The following FAT3 variants were observed in gnomAD, a reference collection of about 807,000 sequenced individuals.
The protein encoded by FAT3 is protocadherin Fat 3.
FAT3 carries 95 observed loss-of-function variants against 310.2 expected under a neutral mutation model. The observed-to-expected ratio is 0.31, with a 90% CI of 0.26 to 0.36. The LOEUF is 0.36. Among genes scored for constraint, FAT3 ranks in the 10% least tolerant of loss-of-function variants. The pLI, the probability that FAT3 is intolerant of heterozygous loss-of-function variation, is 1.00. For missense variants in FAT3, 5,408 were observed against 5,715.6 expected (o/e 0.95, Z 1.74); for synonymous variants, 2,314 against 2,192.9 (o/e 1.06, Z -1.54).
chr11:92,649,890 T>C lies in FAT3; in HGVS notation c.3608-47494T>C, dbSNP rs1186628220. Among the ~76,000 whole-genome samples the C allele has an allele frequency of 5.4e-3, 325 of 59,860 alleles. 4 individuals are homozygous for C. Among genetic ancestry groups the C allele is most frequent in the Non-Finnish European group, 8.1e-3 (213 of 26,264 alleles). 39.3% of individuals were successfully genotyped at this position (59,860 alleles called of 152,430 possible). A position where few individuals can be genotyped will look rare whatever the true frequency, so the allele number is the denominator to read the frequency against. On this transcript the variant is annotated intron_variant, in intron 3 of 27. Coordinates refer to ENST00000525166, the MANE Select transcript of FAT3 (RefSeq NM_001367949.2). Reference sequence around the variant, plus strand: ...TTGTATGTTCATATATATATATATATATATATATATATATATATATATATA... The same window carrying C: ...TTGTATGTTCATATATATATATATACATATATATATATATATATATATATA...
At chr11:92,420,688 A>G (rs1338363404) in intron 2 of FAT3, among the ~76,000 whole-genome samples, 1 of 152,178 alleles carries the variant, frequency 6.6e-6, no homozygotes, top group Non-Finnish European at 1.5e-5. Context: ...GACTCAGTAA[A>G]TCTTTCTTGC....
At chr11:92,303,931 G>A (rs370921483) in intron 1 of FAT3, among the ~76,000 whole-genome samples, 2 of 151,824 alleles carry the variant, frequency 1.3e-5, no homozygotes, top group Non-Finnish European at 2.9e-5. Flanking sequence ...CCTTTTTTTC[G>A]CAATTGTGTG....
chr11:92,555,612 C>T (rs1320546397), intron 3 of FAT3, among the ~76,000 whole-genome samples: 1 of 152,170 alleles, frequency 6.6e-6, no homozygotes, highest in Non-Finnish European at 1.5e-5. Flanking sequence ...AGAACTTGCT[C>T]TCTTATCACT....
intron 1 of FAT3, among the ~76,000 whole-genome samples, chr11:92,233,831 AC>A (rs1864295033): frequency 6.6e-6 from 1 of 152,226 alleles, no homozygotes; most frequent in African/African-American, 2.4e-5. Context: ...TTGGAAGTGT[AC>A]ATTTTGTAAG....
At chr11:92,867,238 C>A (rs1373963014) in intron 22 of FAT3, 29 bp downstream of exon 22, 1 of 1,519,056 alleles carries the variant, frequency 6.6e-7, no homozygotes, top group Non-Finnish European at 8.8e-7. Flanking sequence ...TGGGCACTGG[C>A]CTGGGGGTTT....
At chr11:92,229,372 G>A (rs1232316076) in intron 1 of FAT3, among the ~76,000 whole-genome samples, 4 of 133,640 alleles carry the variant, frequency 3.0e-5, no homozygotes. Flanking sequence ...TCTTTTCTGT[G>A]TTTTGGTCGA....
Position 92,895,420 on chromosome 11 carries a change from TATG to T in FAT3, c.*4310_*4312del, listed in dbSNP as rs1193582172. 7.9e-5 allele frequency: 12 copies of T among 152,220 alleles called. No individual in the cohort carries two copies. Among genetic ancestry groups the T allele is most frequent in the Admixed American group, 7.9e-4 (12 of 15,284 alleles). 9.4% of individuals were successfully genotyped at this position (152,220 alleles called of 1,614,324 possible). On this transcript the variant is annotated 3_prime_UTR_variant, in exon 28 of 28. Transcript: ENST00000525166. The stretch of plus-strand genomic sequence containing the variant: ...AGCTGGCTAAGAGATAGGAAAAGAA[TATG>T]ATATTTCTTTCCTTATGTAATAATG...
chr11:92,709,060 C>G (rs1288442851), intron 4 of FAT3, among the ~76,000 whole-genome samples: 1 of 152,166 alleles, frequency 6.6e-6, no homozygotes, highest in Non-Finnish European at 1.5e-5. Flanking sequence ...TTCCAAGCAT[C>G]CAGGAGCTCC....
chr11:92,376,562 C>T (rs1237836113), intron 2 of FAT3, among the ~76,000 whole-genome samples: 1 of 152,106 alleles, frequency 6.6e-6, no homozygotes. Flanking sequence ...CTGTTTGTTG[C>T]AGGGGAATAT....
intron 8 of FAT3, 97 bp from the exon 9 acceptor site, chr11:92,792,670 G>T: frequency 8.6e-7 from 1 of 1,165,090 alleles, no homozygotes; most frequent in East Asian, 2.3e-5. Context: ...AGCACTTTGC[G>T]TGCATTATTT....
At chr11:92,477,762 A>G (rs1049031250) in intron 2 of FAT3, among the ~76,000 whole-genome samples, 1 of 152,196 alleles carries the variant, frequency 6.6e-6, no homozygotes, top group Admixed American at 6.5e-5. Flanking sequence ...AATGTATTCA[A>G]GGTTCACTGA....
At chr11:92,514,908 T>C (rs1317576625) in intron 2 of FAT3, among the ~76,000 whole-genome samples, 3 of 152,126 alleles carry the variant, frequency 2.0e-5, no homozygotes, top group Non-Finnish European at 4.4e-5. Flanking sequence ...GTGAAGAAGT[T>C]TGTGTTAGCT....
chr11:92,597,330 A>G (rs1230932255), intron 3 of FAT3, among the ~76,000 whole-genome samples: 1 of 152,216 alleles, frequency 6.6e-6, no homozygotes, highest in African/African-American at 2.4e-5. Context: ...CCCATAGGAC[A>G]TCATTATTCT....
At chr11:92,443,632 A>G (rs1032847995) in intron 2 of FAT3, among the ~76,000 whole-genome samples, 2 of 152,190 alleles carry the variant, frequency 1.3e-5, no homozygotes, top group African/African-American at 4.8e-5. Context: ...GTCCTTAAAC[A>G]TTACATTTTG....
At chr11:92,715,898 G>A (rs1427620584) in intron 4 of FAT3, among the ~76,000 whole-genome samples, 2 of 152,008 alleles carry the variant, frequency 1.3e-5, no homozygotes, top group Non-Finnish European at 2.9e-5. Flanking sequence ...ACTATGACAG[G>A]AGTAGCCTAC....
At chr11:92,377,834 C>A (rs1338583053) in intron 2 of FAT3, among the ~76,000 whole-genome samples, 1 of 152,194 alleles carries the variant, frequency 6.6e-6, no homozygotes. Context: ...AGCTCAGTGT[C>A]TATCTCTGAT....
rs749671477 is a variant in FAT3 at position 92,837,698 on chromosome 11, C to G, written c.10260C>G (p.Asp3420Glu). ...ACTCTCTGCTTGTCCAGGCCGTAGA[C>G]AGTGGCATTCCTGCAATGTCATCAA... The part of the protein sequence containing the change: ...SGYSLLVQAV[D>E]SGIPAMSSTA... Residue 3420 changes from aspartate (D) to glutamate (E), a missense_variant, in exon 17 of 28, where the codon GAC (aspartate) becomes GAG (glutamate). Asp to Glu is a conservative substitution (Grantham distance 45, BLOSUM62 2). This residue lies in a region of FAT3 where 4,588 missense variants were observed against 4,809.8 expected (regional missense o/e 0.95). Transcript: ENST00000525166. 4 of 1,613,930 alleles carry G rather than the reference C, an allele frequency of 2.5e-6. No homozygotes were observed. Among genetic ancestry groups the G allele is most frequent in the South Asian group, 2.2e-5 (2 of 91,078 alleles).
At chr11:92,720,176 T>G (rs1475406467) in intron 4 of FAT3, among the ~76,000 whole-genome samples, 1 of 152,210 alleles carries the variant, frequency 6.6e-6, no homozygotes, top group Non-Finnish European at 1.5e-5. Context: ...AGTAAGAGGT[T>G]GATTTTCATC....
rs143478351 is a variant in FAT3 at position 92,561,961 on chromosome 11, G to A, written c.3607+37013G>A. On this transcript the variant is annotated intron_variant, in intron 3 of 27. Coordinates refer to ENST00000525166, the MANE Select transcript of FAT3 (RefSeq NM_001367949.2). ...ATAATTTTAAACAATAAATAAGAACGTCTCCTGCTCATGAAGTAGGAGTAT... is the reference window on the plus strand; with the variant it reads ...ATAATTTTAAACAATAAATAAGAACATCTCCTGCTCATGAAGTAGGAGTAT... Among the ~76,000 whole-genome samples, 451 of 152,148 alleles carry A rather than the reference G, an allele frequency of 3.0e-3. 2 individuals carry two copies. The highest frequency in any genetic ancestry group is 0.01 in the African/African-American group (419 of 41,536).
Sources: gnomAD v4.1 joint callset for allele counts (sites outside exome capture counted in the v4.1 genomes callset) on GRCh38, gnomAD v4.1.1 for gene constraint, gnomAD v4.1.1 regional missense constraint, MANE v1.5 for transcripts, NCBI Gene and HGNC (gene_info 2026-07-23, HGNC 2026-07-21) for gene names.